The following VPS4A variants were observed in gnomAD, a reference collection of about 807,000 sequenced individuals.
VPS4A encodes the protein vacuolar protein sorting-associated protein 4A.
VPS4A carries 20 observed loss-of-function variants against 52.3 expected under a neutral mutation model. The observed-to-expected ratio is 0.38, with a 90% confidence interval of 0.27 to 0.56. VPS4A has a LOEUF of 0.56. Ranked by LOEUF, VPS4A falls within the 20% of genes least tolerant of loss-of-function variation. VPS4A has a pLI of 0.72. For synonymous variants in VPS4A, 293 were observed against 227.7 expected (o/e 1.29, Z -2.58); for missense variants, 419 against 575.9 (o/e 0.73, Z 2.79).
At position 69,325,244 on chromosome 16, in the gene VPS4A, G is replaced by GA. The variant is rs1965573595; in HGVS notation, c.*936dup. On this transcript the variant is annotated 3_prime_UTR_variant, in exon 11 of 11. Transcript: ENST00000254950. Reference sequence around the variant, plus strand: ...TTAAGGCCTCAGAAGTTTGGCTGGGGATGTTTGTGGGATCCAGACAGTTCT... The same window carrying GA: ...TTAAGGCCTCAGAAGTTTGGCTGGGGAATGTTTGTGGGATCCAGACAGTTCT... 1 of 152,322 alleles carries GA rather than the reference G, an allele frequency of 6.6e-6. No homozygotes were observed. The highest frequency in any genetic ancestry group is 1.5e-5 in the Non-Finnish European group (1 of 68,114). The allele number at this position is 152,322 out of a possible 1,614,324, so 9.4% of individuals were successfully genotyped here. A position where few individuals can be genotyped will look rare whatever the true frequency, so the allele number is the denominator to read the frequency against.
chr16:69,321,032 C>T lies in VPS4A; in HGVS notation c.852-19C>T, dbSNP rs374564718. The T allele has an allele frequency of 1.3e-4, 207 of 1,560,342 alleles. No homozygotes were observed. Among genetic ancestry groups the T allele is most frequent in the Non-Finnish European group, 1.7e-4 (190 of 1,150,866 alleles). ...TCCATCATCCGCTGTCAACTCCTGC[C>T]GTGTGCTGGGCTCTCTAGGTTTGAA... is the stretch of plus-strand genomic sequence containing the variant. On this transcript the variant is annotated intron_variant, in intron 8 of 10. Transcript: ENST00000254950. The surrounding 1 kb of genome is among the most constrained non-coding windows in gnomAD (Gnocchi z 4.5).
intron 1 of VPS4A, among the ~76,000 whole-genome samples, chr16:69,313,151 T>C (rs896942656): frequency 1.3e-5 from 2 of 151,706 alleles, no homozygotes; most frequent in Admixed American, 6.6e-5. Context: ...GCTAATATTT[T>C]TTTGTATTTT....
At chr16:69,311,912 C>T (rs905217689) in intron 1 of VPS4A, among the ~76,000 whole-genome samples, 1 of 152,228 alleles carries the variant, frequency 6.6e-6, no homozygotes, top group Non-Finnish European at 1.5e-5. Context: ...GCTCCCTCCT[C>T]TCCTGTCCCG....
At chr16:69,313,140 A>C (rs944230383) in intron 1 of VPS4A, among the ~76,000 whole-genome samples, 4 of 150,612 alleles carry the variant, frequency 2.7e-5, no homozygotes, top group African/African-American at 7.3e-5. Context: ...CATCACACCC[A>C]GCTAATATTT....
At chr16:69,313,064 C>T (rs537717683) in intron 1 of VPS4A, among the ~76,000 whole-genome samples, 1 of 150,954 alleles carries the variant, frequency 6.6e-6, no homozygotes, top group Non-Finnish European at 1.5e-5. Context: ...TTGCGGCCTC[C>T]GCCTCCTGGG....
Position 69,320,449 on chromosome 16 carries a change from T to G in VPS4A, c.769+160T>G, listed in dbSNP as rs1461415507. On this transcript the variant is annotated intron_variant, in intron 7 of 10. Transcript: ENST00000254950. This position sits in a 1 kb window ranked among gnomAD's most constrained non-coding sequence, Gnocchi z 4.2. ...CGGGTGGACTTCAATTCCCAAGAGG[T>G]GCCTGAGGCCTCTGCCTCACGGGCC... The G allele has an allele frequency of 2.8e-6, 3 of 1,090,730 alleles. No homozygotes were observed. The highest frequency in any genetic ancestry group is 3.9e-6 in the Non-Finnish European group (3 of 773,462). The allele number at this position is 1,090,730 out of a possible 1,614,324, so 67.6% of individuals were successfully genotyped here.
In VPS4A at chr16:69,316,316, A is replaced by T; in HGVS notation, c.225A>T (p.Arg75=). The T allele has an allele frequency of 6.2e-7, 1 of 1,613,830 alleles. No individual in the cohort carries two copies. The highest frequency in any genetic ancestry group is 8.5e-7 in the Non-Finnish European group (1 of 1,179,878). The part of the protein sequence containing the change: ...DRAEKLKDYL[R]SKEKHGKKPV... ...CCGAGAAGCTGAAGGATTATTTACG[A>T]AGCAAAGAGAAACACGGCAAGAAGC... is the stretch of plus-strand genomic sequence containing the variant. The change falls in exon 3 of 11, where the codon CGA becomes CGT. Residue 75 remains arginine, a synonymous_variant. Coordinates refer to ENST00000254950, the MANE Select transcript of VPS4A (RefSeq NM_013245.3).
chr16:69,314,686 T>C (rs989805529), intron 1 of VPS4A, among the ~76,000 whole-genome samples: 1 of 152,198 alleles, frequency 6.6e-6, no homozygotes, highest in African/African-American at 2.4e-5. Flanking sequence ...CCCTGGCCTG[T>C]CTGTTTTGTC....
intron 9 of VPS4A, chr16:69,322,278 G>A (rs748993668): frequency 1.1e-5 from 3 of 271,970 alleles, no homozygotes; most frequent in African/African-American, 2.2e-5. Flanking sequence ...TGTGGGTGGG[G>A]GCACAGCTAA....
rs1449940946 is a variant in VPS4A, at chr16:69,319,477, A to T, written c.554A>T (p.Asn185Ile). The T allele has an allele frequency of 6.2e-7, 1 of 1,613,890 alleles. No individual in the cohort carries two copies. ...GCCAAAGCCGTGGCAACAGAGGCCA[A>T]CAACTCCACCTTCTTCTCTGTGTCC... ...YLAKAVATEA[N>I]NSTFFSVSSS... The change falls in exon 6 of 11, where the codon AAC (asparagine) becomes ATC (isoleucine). Residue 185 changes from asparagine to isoleucine, a missense_variant. Around this residue, in one of 3 missense-constraint regions of VPS4A, gnomAD observed 103 missense variants for 210.3 expected, o/e 0.49. Transcript: ENST00000254950.
At position 69,321,459 on chromosome 16, in the gene VPS4A, T is replaced by C. The variant is rs1415111682; in HGVS notation, c.1071+189T>C. The C allele has an allele frequency of 3.1e-6, 2 of 643,154 alleles. No homozygotes were observed. Among genetic ancestry groups the C allele is most frequent in the Admixed American group, 2.9e-5 (1 of 34,852 alleles). The allele number at this position is 643,154 out of a possible 1,614,324, so 39.8% of individuals were successfully genotyped here. On this transcript the variant is annotated intron_variant, in intron 9 of 10. Coordinates refer to ENST00000254950, the MANE Select transcript of VPS4A (RefSeq NM_013245.3). The surrounding 1 kb of genome is among the most constrained non-coding windows in gnomAD (Gnocchi z 4.5). ...TCCCCTCCCTGCAGCTCTTCTGGAG[T>C]GTGGCCATCTCAGGGTGTGTGAAAG...
chr16:69,322,894 C>G (rs755958798), intron 10 of VPS4A, 194 bp downstream of exon 10: 1 of 479,552 alleles, frequency 2.1e-6, no homozygotes, highest in Non-Finnish European at 3.4e-6. Context: ...ATGGAGAAAC[C>G]CTGTCTCTAC....
In VPS4A at chr16:69,318,680, G is replaced by T. The variant is rs756671339; in HGVS notation, c.312G>T (p.Pro104=). The change falls in exon 4 of 11, where the codon CCG becomes CCT. Residue 104 remains proline (P), a synonymous_variant. Transcript: ENST00000254950. ...GSDSDSEGDN[P]EKKKLQEQLM... ...ACAGTGACAGTGAAGGGGATAATCC[G>T]GAGAAAAAGAAACTGCAAGAACAGC... is the stretch of plus-strand genomic sequence containing the variant. 1.2e-6 allele frequency: 2 copies of T among 1,613,122 alleles called. No homozygotes were observed. The highest frequency in any genetic ancestry group is 1.7e-4 in the Middle Eastern group (1 of 6,058).
intron 1 of VPS4A, among the ~76,000 whole-genome samples, chr16:69,314,697 G>C (rs887226738): frequency 2.0e-5 from 3 of 152,066 alleles, no homozygotes; most frequent in Non-Finnish European, 4.4e-5. Context: ...CTGTTTTGTC[G>C]AGCTGTCTGT....
chr16:69,317,960 A>G (rs1965459171), intron 3 of VPS4A, among the ~76,000 whole-genome samples: 1 of 149,430 alleles, frequency 6.7e-6, no homozygotes, highest in Non-Finnish European at 1.5e-5. Flanking sequence ...TCTCAAAAAA[A>G]AAAAAAAAAA....
chr16:69,319,371 T>C lies in VPS4A; in HGVS notation c.464-16T>C. The stretch of plus-strand genomic sequence containing the variant: ...CCCCAGTCAGGAGGCCTAACTTCTG[T>C]GGTTCTCTGTTGCAGGCAAGCGCAC... On this transcript the variant is annotated splice_polypyrimidine_tract_variant and intron_variant, in intron 5 of 10. Coordinates refer to ENST00000254950, the MANE Select transcript of VPS4A (RefSeq NM_013245.3). The C allele has an allele frequency of 1.2e-6, 2 of 1,613,466 alleles. No homozygotes were observed. Among genetic ancestry groups the C allele is most frequent in the South Asian group, 2.2e-5 (2 of 91,068 alleles).
rs544747473 is a variant in VPS4A, at chr16:69,324,375, T to C, written c.*66T>C. 6 of 1,502,218 alleles carry C rather than the reference T, an allele frequency of 4.0e-6. No homozygotes were observed. The East Asian group carries it at 9.3e-5, about 23-fold the overall frequency. The allele number at this position is 1,502,218 out of a possible 1,614,324, so 93.1% of individuals were successfully genotyped here. On this transcript the variant is annotated 3_prime_UTR_variant, in exon 11 of 11. Coordinates refer to ENST00000254950, the MANE Select transcript of VPS4A (RefSeq NM_013245.3). Reference sequence around the variant, plus strand: ...TTGGGGCAAATCCAGGCACTCCCCATGTCAACAGCCAGACAGGGCTCCAGG... The same window carrying C: ...TTGGGGCAAATCCAGGCACTCCCCACGTCAACAGCCAGACAGGGCTCCAGG...
At chr16:69,318,752 A>T (rs1161295401) in intron 4 of VPS4A, 41 bp downstream of exon 4, 2 of 1,612,902 alleles carry the variant, frequency 1.2e-6, no homozygotes, top group Admixed American at 1.7e-5. Flanking sequence ...AGGGGATGAG[A>T]GTGGGTCCGC....
At chr16:69,315,943 C>A in intron 1 of VPS4A, 65 bp from the exon 2 acceptor site, 3 of 1,397,636 alleles carry the variant, frequency 2.1e-6, no homozygotes, top group Non-Finnish European at 3.0e-6. Flanking sequence ...CATCCCCATG[C>A]CTGTGACCCC....
Sources: gnomAD v4.1 joint callset for allele counts (sites outside exome capture counted in the v4.1 genomes callset) on GRCh38, gnomAD v4.1.1 for gene constraint, gnomAD v4.1.1 regional missense constraint, Gnocchi (gnomAD v3.1) non-coding constraint, MANE v1.5 for transcripts, NCBI Gene and HGNC (gene_info 2026-07-23, HGNC 2026-07-21) for gene names.